The following GALNT14 variants were observed in gnomAD, a reference collection of about 807,000 sequenced individuals.
GALNT14 encodes polypeptide N-acetylgalactosaminyltransferase 14.
A neutral mutation model predicts 77.5 loss-of-function variants in GALNT14; 60 were observed. The observed-to-expected ratio is 0.77, with a 90% CI of 0.63 to 0.96. The LOEUF is 0.96. GALNT14 is among the 40% of genes least tolerant of loss of function. The probability of loss-of-function intolerance (pLI) is 0.00; values close to 1 mark genes in which losing one functional copy is unlikely to be tolerated. For missense variants in GALNT14, 710 were observed against 731.0 expected (o/e 0.97, Z 0.33); for synonymous variants, 280 against 281.7 (o/e 0.99, Z 0.06).
At chr2:30,981,818 T>C (rs1305869676) in intron 2 of GALNT14, among the ~76,000 whole-genome samples, 1 of 152,228 alleles carries the variant, frequency 6.6e-6, no homozygotes, top group Non-Finnish European at 1.5e-5. Context: ...TCTGGCTTAC[T>C]TCTCTCATGT....
chr2:30,989,682 A>T (rs57212735), intron 2 of GALNT14, among the ~76,000 whole-genome samples: 7,005 of 110,038 alleles, frequency 0.064, 537 homozygotes, highest in African/African-American at 0.15. Context: ...ATATATAAAA[A>T]ATATATATTA....
chr2:31,133,272 T>C (rs991579461), intron 1 of GALNT14, among the ~76,000 whole-genome samples: 1 of 152,216 alleles, frequency 6.6e-6, no homozygotes, highest in Non-Finnish European at 1.5e-5. Flanking sequence ...CAAGAACCCG[T>C]TGGACAGTTA....
intron 2 of GALNT14, among the ~76,000 whole-genome samples, chr2:30,984,073 C>A (rs140435383): frequency 3.7e-4 from 56 of 152,336 alleles, no homozygotes; most frequent in South Asian, 3.5e-3. Context: ...GGTGCTCAGT[C>A]TGGAAACCCA....
chr2:30,998,402 C>G (rs1293464741), intron 1 of GALNT14, among the ~76,000 whole-genome samples: 1 of 152,186 alleles, frequency 6.6e-6, no homozygotes, highest in Non-Finnish European at 1.5e-5. Flanking sequence ...CATTCCCACT[C>G]ATGCTTTTGT....
intron 9 of GALNT14, among the ~76,000 whole-genome samples, chr2:30,938,308 T>TACACACAC (rs10623006): frequency 5.7e-4 from 81 of 142,814 alleles, no homozygotes; most frequent in African/African-American, 1.5e-3. Flanking sequence ...ACATACACCC[T>TACACACAC]ACACACACAC....
At chr2:31,066,279 A>G (rs1488773180) in intron 1 of GALNT14, among the ~76,000 whole-genome samples, 1 of 152,152 alleles carries the variant, frequency 6.6e-6, no homozygotes, top group Non-Finnish European at 1.5e-5. Context: ...ACCGATGAAG[A>G]ATTCCTAGCA....
intron 1 of GALNT14, among the ~76,000 whole-genome samples, chr2:31,005,378 C>G (rs1356571630): frequency 6.6e-6 from 1 of 152,126 alleles, no homozygotes; most frequent in Admixed American, 6.5e-5. Context: ...TAAACATATC[C>G]TTTCTGGTCA....
intron 1 of GALNT14, chr2:31,129,356 G>T: frequency 1.0e-6 from 1 of 984,678 alleles, no homozygotes; most frequent in Non-Finnish European, 1.2e-6. Context: ...CACACCAAGT[G>T]GTGGGGAAAA....
In GALNT14 at chr2:30,977,092, C is replaced by CTTTTTTTTTTT. The variant is rs11314175; in HGVS notation, c.300-10801_300-10791dup. ...CTTTATTCCATATTGGCTTTTCTGT[C>CTTTTTTTTTTT]TTTTTTTTTTTTTTTGAGACAGGGT... On this transcript the variant is annotated intron_variant, in intron 2 of 14. Transcript: ENST00000349752. Among the ~76,000 whole-genome samples, 112 of 135,092 alleles carry CTTTTTTTTTTT rather than the reference C, an allele frequency of 8.3e-4. 8 individuals are homozygous for CTTTTTTTTTTT. Among genetic ancestry groups the CTTTTTTTTTTT allele is most frequent in the African/African-American group, 3.1e-3 (102 of 32,586 alleles). The allele number at this position is 135,092 out of a possible 152,430, so 88.6% of individuals were successfully genotyped here.
At chr2:31,073,624 G>A (rs987052062) in intron 1 of GALNT14, among the ~76,000 whole-genome samples, 3 of 151,798 alleles carry the variant, frequency 2.0e-5, no homozygotes, top group Admixed American at 2.0e-4. Flanking sequence ...GGGCCGGCGG[G>A]ACTGGGGCAG....
intron 13 of GALNT14, among the ~76,000 whole-genome samples, chr2:30,918,328 G>A (rs1033589260): frequency 2.0e-5 from 3 of 152,194 alleles, no homozygotes; most frequent in Non-Finnish European, 4.4e-5. Context: ...GAATTTGAGC[G>A]AGTTACTCAA....
chr2:30,916,631 G>A (rs72853883), intron 13 of GALNT14, among the ~76,000 whole-genome samples: 28,965 of 148,216 alleles, frequency 0.2, 3,314 homozygotes, highest in South Asian at 0.26. Flanking sequence ...GTGGGAGCAG[G>A]GAGGGGACAG....
At chr2:30,988,028 C>G (rs1258546991) in intron 2 of GALNT14, among the ~76,000 whole-genome samples, 1 of 152,192 alleles carries the variant, frequency 6.6e-6, no homozygotes, top group Non-Finnish European at 1.5e-5. Context: ...AGTCTATTCT[C>G]CTGATTCCTT....
At chr2:31,030,264 A>T (rs1225055475) in intron 1 of GALNT14, among the ~76,000 whole-genome samples, 5 of 152,144 alleles carry the variant, frequency 3.3e-5, no homozygotes, top group Non-Finnish European at 7.3e-5. Context: ...AAGAAATGTC[A>T]GCTGTAATAG....
At chr2:31,060,691 T>C (rs1187845585) in intron 1 of GALNT14, among the ~76,000 whole-genome samples, 1 of 152,106 alleles carries the variant, frequency 6.6e-6, no homozygotes, top group East Asian at 1.9e-4. Flanking sequence ...GGGTGATGTG[T>C]TTAAATTAAA....
At chr2:31,006,431 A>T (rs1670678775) in intron 1 of GALNT14, among the ~76,000 whole-genome samples, 2 of 152,142 alleles carry the variant, frequency 1.3e-5, no homozygotes, top group Admixed American at 1.3e-4. Context: ...AACAAACCCA[A>T]GGCAGGTGCT....
At chr2:31,033,456 GCTAC>G (rs1404376417) in intron 1 of GALNT14, among the ~76,000 whole-genome samples, 1 of 152,014 alleles carries the variant, frequency 6.6e-6, no homozygotes, top group Non-Finnish European at 1.5e-5. Flanking sequence ...TACCCTGTTG[GCTAC>G]CTTTCCTTCC....
chr2:31,057,316 TAA>T (rs1191587632), intron 1 of GALNT14, among the ~76,000 whole-genome samples: 25 of 137,774 alleles, frequency 1.8e-4, no homozygotes, highest in African/African-American at 5.0e-4. Context: ...TATATATATA[TAA>T]AATTATATAT....
chr2:31,058,560 G>T (rs764146745), intron 1 of GALNT14, among the ~76,000 whole-genome samples: 3 of 152,084 alleles, frequency 2.0e-5, no homozygotes, highest in Non-Finnish European at 4.4e-5. Context: ...CAGTCAGTGG[G>T]CCACTCCCCA....
Sources: allele counts gnomAD v4.1 joint callset (sites outside exome capture counted in the v4.1 genomes callset), GRCh38; gene constraint gnomAD v4.1.1; transcripts MANE v1.5; gene names NCBI Gene and HGNC (gene_info 2026-07-23, HGNC 2026-07-21).